Variants in DPP6 observed in about 807,000 individuals in gnomAD.
The protein encoded by DPP6 is A-type potassium channel modulatory protein DPP6.
Under a neutral mutation model 122.6 loss-of-function variants are expected in DPP6, and 69 were observed. That is an observed-to-expected ratio of 0.56 (90% CI 0.46 to 0.69). DPP6 has a LOEUF of 0.69. Ranked by LOEUF, DPP6 falls within the 30% of genes least tolerant of loss-of-function variation. The pLI, the probability that DPP6 is intolerant of heterozygous loss-of-function variation, is 0.00. For synonymous variants in DPP6, 418 were observed against 433.1 expected (o/e 0.97, Z 0.43); for missense variants, 928 against 1,116.9 (o/e 0.83, Z 2.41).
chr7:154,351,229 CGGTT>C (rs1563527938), intron 1 of DPP6, among the ~76,000 whole-genome samples: 6 of 152,120 alleles, frequency 3.9e-5, no homozygotes, highest in African/African-American at 1.4e-4. Context: ...TTTATGAGGA[CGGTT>C]TCCCTGGTGA....
chr7:153,771,620 A>T, the DPP6 span, among the ~76,000 whole-genome samples: 1 of 152,140 alleles, frequency 6.6e-6, no homozygotes, highest in East Asian at 1.9e-4. Context: ...GGTTACAGGC[A>T]TGAGCTACCA....
At chr7:154,321,027 A>G (rs1300166668) in intron 1 of DPP6, among the ~76,000 whole-genome samples, 3 of 152,166 alleles carry the variant, frequency 2.0e-5, no homozygotes, top group African/African-American at 7.2e-5. Context: ...CTAGGCATTG[A>G]TTATTCTCTG....
intron 1 of DPP6, among the ~76,000 whole-genome samples, chr7:154,291,675 C>T (rs1805220957): frequency 6.6e-6 from 1 of 152,176 alleles, no homozygotes; most frequent in South Asian, 2.1e-4. Flanking sequence ...TAAGATTGAC[C>T]TGACTCATTT....
rs543670181 is a variant in DPP6 at position 154,755,946 on chromosome 7, G to A, written c.884-13471G>A. On this transcript the variant is annotated intron_variant, in intron 8 of 25. Coordinates refer to ENST00000377770, the MANE Select transcript of DPP6 (RefSeq NM_130797.4). This position sits in a 1 kb window ranked among gnomAD's most constrained non-coding sequence, Gnocchi z 4.7. ...AAAAGGAAGAGTGGCGAGGACTTGAGTGGGACTGTTGGGTTGTTGTGTTGC... is the reference window on the plus strand; with the variant it reads ...AAAAGGAAGAGTGGCGAGGACTTGAATGGGACTGTTGGGTTGTTGTGTTGC... Among the ~76,000 whole-genome samples, 1 of 152,326 alleles carries A rather than the reference G, an allele frequency of 6.6e-6. No individual in the cohort carries two copies. The highest frequency in any genetic ancestry group is 1.9e-4 in the East Asian group (1 of 5,182).
the DPP6 span, among the ~76,000 whole-genome samples, chr7:153,878,035 T>C: frequency 6.6e-6 from 1 of 152,192 alleles, no homozygotes; most frequent in African/African-American, 2.4e-5. Flanking sequence ...CTGTCATTAG[T>C]TTTTGAGGCA....
At chr7:153,833,503 G>A in the DPP6 span, among the ~76,000 whole-genome samples, 14 of 151,992 alleles carry the variant, frequency 9.2e-5, no homozygotes, top group Admixed American at 2.0e-4. Flanking sequence ...GCAAAACCCC[G>A]TCTCTACTAA....
At chr7:154,822,288 A>C (rs1799844744) in intron 16 of DPP6, among the ~76,000 whole-genome samples, 1 of 152,194 alleles carries the variant, frequency 6.6e-6, no homozygotes, top group South Asian at 2.1e-4. Context: ...TATTTCTCAC[A>C]GTTCCAGAGG....
At chr7:154,373,229 T>C (rs1022818927) in intron 1 of DPP6, among the ~76,000 whole-genome samples, 8 of 152,248 alleles carry the variant, frequency 5.3e-5, no homozygotes, top group African/African-American at 1.9e-4. Flanking sequence ...ACTAGAAGGT[T>C]CACAGTCTGT....
At chr7:154,369,266 T>G (rs552652729) in intron 1 of DPP6, among the ~76,000 whole-genome samples, 1 of 151,650 alleles carries the variant, frequency 6.6e-6, no homozygotes, top group African/African-American at 2.4e-5. Flanking sequence ...AGCTAGTTTT[T>G]GTATTTTTAG....
At chr7:153,808,837 G>A in the DPP6 span, among the ~76,000 whole-genome samples, 33 of 151,968 alleles carry the variant, frequency 2.2e-4, no homozygotes, top group Non-Finnish European at 4.4e-4. Context: ...GTGAATAATA[G>A]TGCAGTGAGC....
chr7:153,765,307 C>T, the DPP6 span, among the ~76,000 whole-genome samples: 3 of 151,858 alleles, frequency 2.0e-5, no homozygotes, highest in African/African-American at 7.2e-5. Flanking sequence ...TTTGGGAGGC[C>T]AAGGCAGGTG....
At chr7:154,259,451 G>A (rs1225841536) in intron 1 of DPP6, among the ~76,000 whole-genome samples, 1 of 152,198 alleles carries the variant, frequency 6.6e-6, no homozygotes, top group Non-Finnish European at 1.5e-5. Context: ...GGCAGTCAAA[G>A]AAGTTTGTTG....
At chr7:154,172,644 A>AGGATGCAC (rs1797595170) in intron 1 of DPP6, among the ~76,000 whole-genome samples, 1 of 147,554 alleles carries the variant, frequency 6.8e-6, no homozygotes, top group South Asian at 2.1e-4. Flanking sequence ...GCTGTGACCC[A>AGGATGCAC]GGATGGACTG....
intron 1 of DPP6, among the ~76,000 whole-genome samples, chr7:154,113,531 T>G (rs1806760833): frequency 6.6e-6 from 1 of 152,162 alleles, no homozygotes. Flanking sequence ...ATTTCCCTGA[T>G]GGTTAATGAT....
chr7:154,127,854 G>T (rs1053932498), intron 1 of DPP6, among the ~76,000 whole-genome samples: 1 of 151,972 alleles, frequency 6.6e-6, no homozygotes, highest in Non-Finnish European at 1.5e-5. Flanking sequence ...GTCTGTGGTT[G>T]CTGTAGCAGC....
chr7:154,431,451 CTTTTCTTTTCTTTTCTTTTCTTTTCTT>C lies in DPP6; in HGVS notation c.244-14760_244-14734del, dbSNP rs1225514402. Among the ~76,000 whole-genome samples the C allele has an allele frequency of 1.2e-3, 18 of 14,976 alleles. 1 individual carries two copies. Among genetic ancestry groups the C allele is most frequent in the Non-Finnish European group, 4.1e-3 (17 of 4,100 alleles). The allele number at this position is 14,976 out of a possible 152,430, so 9.8% of individuals were successfully genotyped here. The stretch of plus-strand genomic sequence containing the variant: ...GCTCTGTTTTTCTTTCCTTTCTTTT[CTTTTCTTTTCTTTTCTTTTCTTTTCTT>C]TTCTTTTCTTTTCTTTTCTTTTCTT... On this transcript the variant is annotated intron_variant, in intron 1 of 25. Transcript: ENST00000377770.
chr7:154,058,048 T>TC (rs1318916318), intron 1 of DPP6: 1 of 144,472 alleles, frequency 6.9e-6, no homozygotes, highest in African/African-American at 2.5e-5. Context: ...CATCCCCTCT[T>TC]CCCCCCTGAC....
chr7:153,934,193 T>G (rs1801315503), intron 1 of DPP6, among the ~76,000 whole-genome samples: 1 of 152,114 alleles, frequency 6.6e-6, no homozygotes, highest in South Asian at 2.1e-4. Context: ...TGTTTTTCCC[T>G]GTGGGGCCTG....
intron 1 of DPP6, among the ~76,000 whole-genome samples, chr7:154,440,147 A>G (rs551075926): frequency 6.6e-6 from 1 of 152,320 alleles, no homozygotes; most frequent in South Asian, 2.1e-4. Flanking sequence ...CTTCTAATTA[A>G]TGAAATAAAC....
Sources: gnomAD v4.1 joint callset for allele counts (sites outside exome capture counted in the v4.1 genomes callset) on GRCh38, gnomAD v4.1.1 for gene constraint, Gnocchi (gnomAD v3.1) non-coding constraint, MANE v1.5 for transcripts, NCBI Gene and HGNC (gene_info 2026-07-23, HGNC 2026-07-21) for gene names.